SLC4A4: variants seen among roughly 807,000 people sequenced by gnomAD.
SLC4A4 encodes the protein electrogenic sodium bicarbonate cotransporter 1.
Under a neutral mutation model 111.5 loss-of-function variants are expected in SLC4A4, and 27 were observed. That is an observed-to-expected ratio of 0.24 (90% CI 0.18 to 0.33). The LOEUF is 0.33. SLC4A4 is among the 10% of genes least tolerant of loss of function. The pLI is 1.00. For synonymous variants in SLC4A4, 443 were observed against 463.4 expected (o/e 0.96, Z 0.57); for missense variants, 909 against 1,315.5 (o/e 0.69, Z 4.78).
At chr4:71,155,079 T>C (rs1744421825) in intron 2 of SLC4A4, among the ~76,000 whole-genome samples, 1 of 47,686 alleles carries the variant, frequency 2.1e-5, no homozygotes, top group Non-Finnish European at 4.1e-5. Context: ...TTTATTTGTA[T>C]TATGGGGTGT....
intron 16 of SLC4A4, among the ~76,000 whole-genome samples, chr4:71,510,102 T>G (rs1185713641): frequency 6.6e-6 from 1 of 152,162 alleles, no homozygotes; most frequent in Non-Finnish European, 1.5e-5. Flanking sequence ...TTTGGACTTG[T>G]GAGGACAGGG....
At chr4:71,062,863 T>G (rs1380732150) in intron 1 of SLC4A4, among the ~76,000 whole-genome samples, 4 of 152,238 alleles carry the variant, frequency 2.6e-5, no homozygotes, top group Non-Finnish European at 5.9e-5. Flanking sequence ...TATTTTCACC[T>G]TTCTGCCTTA....
intron 16 of SLC4A4, among the ~76,000 whole-genome samples, chr4:71,518,244 A>C (rs1034928475): frequency 6.6e-6 from 1 of 152,004 alleles, no homozygotes; most frequent in Non-Finnish European, 1.5e-5. Flanking sequence ...CTGGAGACTA[A>C]GTCTGTGAGG....
At chr4:71,373,859 GA>G (rs1732103409) in intron 6 of SLC4A4, among the ~76,000 whole-genome samples, 2 of 152,136 alleles carry the variant, frequency 1.3e-5, no homozygotes, top group Admixed American at 6.5e-5. Flanking sequence ...ATAACTGACT[GA>G]ATGTTAGGGG....
intron 18 of SLC4A4, among the ~76,000 whole-genome samples, chr4:71,536,455 TACATATATAC>T (rs1473021848): frequency 6.0e-5 from 2 of 33,154 alleles, no homozygotes; most frequent in African/African-American, 1.1e-4. Flanking sequence ...TATACATATA[TACATATATAC>T]ATATATATAT....
In SLC4A4 at chr4:71,369,278, C is replaced by T. The variant is rs772474025; in HGVS notation, c.730+12091C>T. Reference sequence around the variant, plus strand: ...TGTAAGATGTAAATATTCCTAAAGTCGTAATTGCTGACTTATTTCTTCTAC... The same window carrying T: ...TGTAAGATGTAAATATTCCTAAAGTTGTAATTGCTGACTTATTTCTTCTAC... On this transcript the variant is annotated intron_variant, in intron 6 of 25. Transcript: ENST00000264485. Among the ~76,000 whole-genome samples the T allele has an allele frequency of 3.4e-4, 51 of 152,060 alleles. 1 individual carries two copies. The highest frequency in any genetic ancestry group is 2.1e-3 in the South Asian group (10 of 4,818).
intron 7 of SLC4A4, among the ~76,000 whole-genome samples, chr4:71,419,989 G>C (rs1000447619): frequency 1.3e-5 from 2 of 152,256 alleles, no homozygotes; most frequent in African/African-American, 4.8e-5. Context: ...GCTGGACGGA[G>C]AATGACTTTG....
At chr4:71,515,775 A>G (rs928758789) in intron 16 of SLC4A4, among the ~76,000 whole-genome samples, 2 of 152,124 alleles carry the variant, frequency 1.3e-5, no homozygotes, top group African/African-American at 4.8e-5. Context: ...TTACGTAAGT[A>G]TAGCTACTCT....
intron 16 of SLC4A4, among the ~76,000 whole-genome samples, chr4:71,521,232 C>T (rs1399345847): frequency 2.0e-5 from 3 of 151,942 alleles, no homozygotes; most frequent in South Asian, 4.1e-4. Context: ...TTTTTCTTCT[C>T]CTTTATTTTT....
intron 17 of SLC4A4, among the ~76,000 whole-genome samples, chr4:71,533,522 T>A (rs905448679): frequency 6.6e-6 from 1 of 152,080 alleles, no homozygotes; most frequent in African/African-American, 2.4e-5. Flanking sequence ...AACCCTTTTT[T>A]TTCTGTAGTA....
intron 3 of SLC4A4, among the ~76,000 whole-genome samples, chr4:71,318,811 A>G (rs1234109785): frequency 6.6e-6 from 1 of 151,640 alleles, no homozygotes; most frequent in East Asian, 1.9e-4. Flanking sequence ...TCTTGTTCTG[A>G]AAAATTAAGT....
At chr4:71,457,985 A>G (rs1364065665) in intron 12 of SLC4A4, among the ~76,000 whole-genome samples, 1 of 152,072 alleles carries the variant, frequency 6.6e-6, no homozygotes, top group East Asian at 1.9e-4. Context: ...TTGTATTAGC[A>G]TTTATTGTTA....
intron 2 of SLC4A4, among the ~76,000 whole-genome samples, chr4:71,112,789 T>A (rs1390530137): frequency 6.6e-6 from 1 of 152,214 alleles, no homozygotes; most frequent in Non-Finnish European, 1.5e-5. Flanking sequence ...TGTTCCTGGT[T>A]AATGGAATAA....
chr4:71,376,156 T>TACACACACACACACACAC (rs146405766), intron 6 of SLC4A4, among the ~76,000 whole-genome samples: 1 of 135,518 alleles, frequency 7.4e-6, no homozygotes, highest in Non-Finnish European at 1.6e-5. Context: ...CCTGTATATA[T>TACACACACACACACACAC]ACACACACAC....
chr4:71,374,916 C>T (rs1427414153), intron 6 of SLC4A4, among the ~76,000 whole-genome samples: 1 of 152,106 alleles, frequency 6.6e-6, no homozygotes, highest in African/African-American at 2.4e-5. Context: ...GTTTTCCAAA[C>T]CTTCCTGATC....
intron 7 of SLC4A4, among the ~76,000 whole-genome samples, chr4:71,423,604 C>T (rs1429762499): frequency 1.3e-5 from 2 of 152,100 alleles, no homozygotes; most frequent in Non-Finnish European, 2.9e-5. Context: ...TACAAGGCTA[C>T]AGTAACCAAA....
chr4:71,314,102 G>T (rs1726451667), intron 3 of SLC4A4, among the ~76,000 whole-genome samples: 2 of 151,962 alleles, frequency 1.3e-5, no homozygotes, highest in African/African-American at 4.8e-5. Flanking sequence ...CCATCAAAAA[G>T]TGGGCAAAGG....
intron 2 of SLC4A4, among the ~76,000 whole-genome samples, chr4:71,156,607 CACACACAT>C (rs1373935234): frequency 4.6e-4 from 68 of 147,660 alleles, no homozygotes; most frequent in African/African-American, 1.5e-3. Context: ...CACACACACA[CACACACAT>C]ACACATTGTG....
chr4:71,477,061 A>G (rs1159136611), intron 14 of SLC4A4, among the ~76,000 whole-genome samples: 1 of 151,724 alleles, frequency 6.6e-6, no homozygotes, highest in Admixed American at 6.6e-5. Context: ...TTCATCACCA[A>G]CACCCCAATT....
Sources: gnomAD v4.1 joint callset for allele counts (sites outside exome capture counted in the v4.1 genomes callset) on GRCh38, gnomAD v4.1.1 for gene constraint, MANE v1.5 for transcripts, NCBI Gene and HGNC (gene_info 2026-07-23, HGNC 2026-07-21) for gene names.